The following GPHN variants were observed in gnomAD, a reference collection of about 807,000 sequenced individuals.
The protein encoded by GPHN is gephyrin.
In GPHN, 17 loss-of-function variants were observed where a neutral mutation model predicts 95.5. The ratio of observed to expected loss-of-function variants is 0.18; its 90% CI spans 0.12 to 0.27. GPHN has a LOEUF of 0.27. Among genes scored for constraint, GPHN ranks in the 10% least tolerant of loss-of-function variants. The pLI is 1.00. For synonymous variants in GPHN, 320 were observed against 322.5 expected (o/e 0.99, Z 0.08); for missense variants, 660 against 978.1 (o/e 0.67, Z 4.34).
At chr14:66,879,075 G>C (rs1310949715) in intron 4 of GPHN, among the ~76,000 whole-genome samples, 2 of 152,084 alleles carry the variant, frequency 1.3e-5, no homozygotes, top group East Asian at 3.8e-4. Context: ...GATGAAGCTG[G>C]AAACCATGAT....
the GPHN span, among the ~76,000 whole-genome samples, chr14:67,374,020 A>G: frequency 6.6e-6 from 1 of 152,176 alleles, no homozygotes; most frequent in Non-Finnish European, 1.5e-5. Flanking sequence ...AGTTCTCTCC[A>G]GTAAGGTAAT....
chr14:67,298,996 G>A, the GPHN span, among the ~76,000 whole-genome samples: 2 of 152,156 alleles, frequency 1.3e-5, no homozygotes, highest in Non-Finnish European at 2.9e-5. Context: ...TGTTGTTCTT[G>A]TATCAGTAGT....
chr14:67,323,232 C>CGTGTGT, the GPHN span, among the ~76,000 whole-genome samples: 5,592 of 143,410 alleles, frequency 0.039, 228 homozygotes, highest in African/African-American at 0.099. Flanking sequence ...CATATATACA[C>CGTGTGT]GTGTGTGTGT....
intron 9 of GPHN, among the ~76,000 whole-genome samples, chr14:66,976,711 A>G (rs1175940121): frequency 1.3e-5 from 2 of 152,326 alleles, no homozygotes; most frequent in East Asian, 3.9e-4. Flanking sequence ...TTGGGGATAC[A>G]GCAATGAATA....
intron 1 of GPHN, among the ~76,000 whole-genome samples, chr14:66,511,684 T>G (rs1373648631): frequency 6.6e-6 from 1 of 152,092 alleles, no homozygotes; most frequent in Non-Finnish European, 1.5e-5. Flanking sequence ...TGTTGAGACT[T>G]CTCATTAAAT....
chr14:67,264,210 C>T, the GPHN span, among the ~76,000 whole-genome samples: 2 of 152,114 alleles, frequency 1.3e-5, no homozygotes, highest in African/African-American at 4.8e-5. Flanking sequence ...TTTTTTAAAA[C>T]CTGTCTCCTC....
the GPHN span, chr14:67,690,333 G>C: frequency 1.9e-6 from 3 of 1,614,022 alleles, no homozygotes; most frequent in African/African-American, 2.7e-5. Flanking sequence ...TCCTTCCCAG[G>C]TGATGTGCGA....
At chr14:67,719,320 G>A in the GPHN span, among the ~76,000 whole-genome samples, 5 of 152,140 alleles carry the variant, frequency 3.3e-5, no homozygotes, top group South Asian at 2.1e-4. Context: ...TGAGGAACTC[G>A]CAATAGAATT....
chr14:67,331,235 G>C, the GPHN span, among the ~76,000 whole-genome samples: 50 of 152,166 alleles, frequency 3.3e-4, 1 homozygote, highest in African/African-American at 1.2e-3. Context: ...AATAGAGACG[G>C]GGTTTTGCCC....
the GPHN span, among the ~76,000 whole-genome samples, chr14:67,524,754 C>A: frequency 6.6e-6 from 1 of 152,194 alleles, no homozygotes; most frequent in African/African-American, 2.4e-5. Flanking sequence ...TCCAGTAATG[C>A]TGTTGTGGTC....
the GPHN span, among the ~76,000 whole-genome samples, chr14:67,418,957 T>C: frequency 6.6e-6 from 1 of 152,140 alleles, no homozygotes; most frequent in East Asian, 1.9e-4. Context: ...GACCCATTGC[T>C]TCCCCACCAG....
At chr14:66,550,868 T>G (rs10130407) in intron 1 of GPHN, among the ~76,000 whole-genome samples, 49,179 of 149,872 alleles carry the variant, frequency 0.33, 11,660 homozygotes, top group African/African-American at 0.65. Context: ...TGTTGTTGTT[T>G]TTTTTTGAGA....
chr14:67,084,755 C>T (rs1473543619), intron 11 of GPHN, among the ~76,000 whole-genome samples: 3 of 152,084 alleles, frequency 2.0e-5, no homozygotes, highest in Non-Finnish European at 2.9e-5. Flanking sequence ...AAAGAGGTAA[C>T]ATCTGAGCTG....
the GPHN span, chr14:67,454,702 T>C: frequency 6.6e-6 from 1 of 152,138 alleles, no homozygotes; most frequent in Admixed American, 6.5e-5. Flanking sequence ...AGAAAATATA[T>C]CATTAAAGTG....
the GPHN span, chr14:67,599,891 T>C: frequency 1.5e-6 from 1 of 682,574 alleles, no homozygotes; most frequent in Non-Finnish European, 2.4e-6. Flanking sequence ...CCAGAACCCG[T>C]GAGTTCCCGC....
In GPHN at chr14:66,703,831, C is replaced by T. The variant is rs375227384; in HGVS notation, c.143+22646C>T. 7.2e-5 allele frequency among the ~76,000 whole-genome samples: 11 copies of T among 151,980 alleles called. No homozygotes were observed. The South Asian group carries it at 1.7e-3, about 23-fold the overall frequency. On this transcript the variant is annotated intron_variant, in intron 2 of 22. Transcript: ENST00000478722. ...ATGGGCTAAATGCCCCAATTAAAAA[C>T]ACAGATTGGCAAATTAATAAATTTT...
chr14:66,662,738 C>G (rs1012782541), intron 1 of GPHN, among the ~76,000 whole-genome samples: 1 of 152,200 alleles, frequency 6.6e-6, no homozygotes, highest in African/African-American at 2.4e-5. Flanking sequence ...TAAAACATTT[C>G]AGCAACTGAC....
At chr14:67,403,179 T>C in the GPHN span, among the ~76,000 whole-genome samples, 2 of 152,242 alleles carry the variant, frequency 1.3e-5, no homozygotes, top group East Asian at 3.8e-4. Flanking sequence ...TCAATGGTGT[T>C]GAGCACTTTT....
chr14:67,229,208 G>A, the GPHN span, among the ~76,000 whole-genome samples: 3 of 152,192 alleles, frequency 2.0e-5, no homozygotes, highest in Non-Finnish European at 4.4e-5. Flanking sequence ...GCAAATTTGC[G>A]ATTCACATTA....
Sources: allele counts gnomAD v4.1 joint callset (sites outside exome capture counted in the v4.1 genomes callset), GRCh38; gene constraint gnomAD v4.1.1; transcripts MANE v1.5; gene names NCBI Gene and HGNC (gene_info 2026-07-23, HGNC 2026-07-21).